The following SPATA7 variants were observed in gnomAD, a reference collection of about 807,000 sequenced individuals.
SPATA7 encodes the protein spermatogenesis associated 7.
Under a neutral mutation model 51.8 loss-of-function variants are expected in SPATA7, and 43 were observed. That is an observed-to-expected ratio of 0.83 (90% CI 0.65 to 1.07). SPATA7 has a LOEUF of 1.07. Ranked by LOEUF, SPATA7 falls within the 50% of genes least tolerant of loss-of-function variation. The probability of loss-of-function intolerance (pLI) is 0.00; values close to 1 mark genes in which losing one functional copy is unlikely to be tolerated. For missense variants in SPATA7, 683 were observed against 701.3 expected, an observed-to-expected ratio of 0.97 and a Z score of 0.30; for synonymous variants, 230 against 252.8, an observed-to-expected ratio of 0.91 and a Z score of 0.86.
Position 88,393,409 on chromosome 14 carries a change from C to G in SPATA7, c.111C>G (p.Ser37=). The G allele has an allele frequency of 6.3e-7, 1 of 1,599,026 alleles. No individual in the cohort carries two copies. The highest frequency in any genetic ancestry group is 8.5e-7 in the Non-Finnish European group (1 of 1,171,242). Residue 37 remains serine (S), a synonymous_variant, in exon 3 of 12, where the codon TCC becomes TCG. Coordinates refer to ENST00000393545, the MANE Select transcript of SPATA7 (RefSeq NM_018418.5). ...AATTTTTAGCTTTTTGCACTGACTC[C>G]TCTTCTCTCAGACTAAGCACTCTCC... is the stretch of plus-strand genomic sequence containing the variant. ...STKSNAFCTD[S]SSLRLSTLQL...
chr14:88,386,949 G>C (rs1238642527), intron 1 of SPATA7, among the ~76,000 whole-genome samples: 2 of 152,112 alleles, frequency 1.3e-5, no homozygotes, highest in Non-Finnish European at 1.5e-5. Context: ...AAATCAAAAC[G>C]CTTTATGATC....
chr14:88,393,044 A>C lies in SPATA7; in HGVS notation c.95-349A>C, dbSNP rs150176539. On this transcript the variant is annotated intron_variant, in intron 2 of 11. Coordinates refer to ENST00000393545, the MANE Select transcript of SPATA7 (RefSeq NM_018418.5). ...CTGAAATTCCGTTGATTAAGTATTA[A>C]CAATGGTAACTAATTAAGCAAGCAG... Among the ~76,000 whole-genome samples the C allele has an allele frequency of 1.1e-3, 165 of 152,244 alleles. 2 individuals carry two copies. In the East Asian group the frequency reaches 0.023, roughly 22 times the overall value.
At chr14:88,391,106 C>T (rs1005979343) in intron 1 of SPATA7, among the ~76,000 whole-genome samples, 6 of 152,162 alleles carry the variant, frequency 3.9e-5, no homozygotes, top group African/African-American at 1.2e-4. Flanking sequence ...CTTGTTATAG[C>T]TTTTAACAGC....
At position 88,393,375 on chromosome 14, in the gene SPATA7, T is replaced by C; in HGVS notation, c.95-18T>C. ...TATATTAGTTTTAAATATATAATGA[T>C]TATGTTTTAATTTTTAGCTTTTTGC... On this transcript the variant is annotated intron_variant, in intron 2 of 11. Coordinates refer to ENST00000393545, the MANE Select transcript of SPATA7 (RefSeq NM_018418.5). The C allele has an allele frequency of 6.7e-7, 1 of 1,491,328 alleles. No homozygotes were observed. The allele number at this position is 1,491,328 out of a possible 1,614,324, so 92.4% of individuals were successfully genotyped here. A position where few individuals can be genotyped will look rare whatever the true frequency, so the allele number is the denominator to read the frequency against.
chr14:88,442,980 C>A (rs181904944), downstream of SPATA7, among the ~76,000 whole-genome samples: 1,052 of 142,518 alleles, frequency 7.4e-3, 32 homozygotes, highest in Admixed American at 0.066. Flanking sequence ...CTCGCTCTGT[C>A]ACCTAGGCTG....
chr14:88,409,162 A>G (rs1047365497), intron 4 of SPATA7, among the ~76,000 whole-genome samples: 5 of 152,094 alleles, frequency 3.3e-5, no homozygotes, highest in African/African-American at 1.2e-4. Flanking sequence ...AATAGCTTCA[A>G]AAGGAATGGT....
chr14:88,469,623 G>A lies in SPATA7; in HGVS notation c.255-224G>A. ...TCTTCAGGCCTGTGGTGGCATAGCAGCCAGAGTCTGTGCGGAACCGGGTCG... is the reference window on the plus strand; with the variant it reads ...TCTTCAGGCCTGTGGTGGCATAGCAACCAGAGTCTGTGCGGAACCGGGTCG... On this transcript the variant is annotated intron_variant, in intron 4 of 4. Coordinates refer to the SPATA7 transcript ENST00000556406. This position sits in a 1 kb window ranked among gnomAD's most constrained non-coding sequence, Gnocchi z 4.3. The A allele has an allele frequency of 1.9e-6, 3 of 1,614,174 alleles. No individual in the cohort carries two copies. The highest frequency in any genetic ancestry group is 2.5e-6 in the Non-Finnish European group (3 of 1,180,030).
At chr14:88,396,700 C>T (rs139106082) in intron 4 of SPATA7, among the ~76,000 whole-genome samples, 5 of 152,196 alleles carry the variant, frequency 3.3e-5, no homozygotes, top group African/African-American at 9.6e-5. Context: ...TTACAGTCAC[C>T]TTTTGGCTGT....
rs759599766 is a variant in SPATA7, at chr14:88,416,697, G to T, written c.239-14G>T. The T allele has an allele frequency of 1.2e-6, 2 of 1,612,220 alleles. No homozygotes were observed. The highest frequency in any genetic ancestry group is 2.7e-5 in the African/African-American group (2 of 74,802). ...TTTTGTTCCATATTTTGAAAGATTT[G>T]TTTTCCCTTTTAGATGCAGACCAAC... On this transcript the variant is annotated splice_polypyrimidine_tract_variant and intron_variant, in intron 4 of 11. Transcript: ENST00000393545.
chr14:88,396,875 C>CTTT (rs59603961), intron 4 of SPATA7, among the ~76,000 whole-genome samples: 74,570 of 138,252 alleles, frequency 0.54, 22,000 homozygotes, highest in Admixed American at 0.68. Flanking sequence ...TTTCTTTTTT[C>CTTT]TTTTTTTTTT....
At chr14:88,466,505 TA>T (rs1200063982) in intron 4 of SPATA7, 1 of 152,148 alleles carries the variant, frequency 6.6e-6, no homozygotes, top group African/African-American at 2.4e-5. Context: ...ATGCCTAGAA[TA>T]GTGTAATTTG....
chr14:88,389,210 G>GT (rs1049960284), intron 1 of SPATA7, among the ~76,000 whole-genome samples: 2,457 of 146,984 alleles, frequency 0.017, 71 homozygotes, highest in African/African-American at 0.057. Context: ...ATTCTGTTAG[G>GT]TTTTTTTTTT....
chr14:88,419,444 CTT>C (rs1010507480), intron 5 of SPATA7, among the ~76,000 whole-genome samples: 8 of 95,846 alleles, frequency 8.3e-5, no homozygotes, highest in African/African-American at 1.2e-4. Context: ...ATGTTTTCTT[CTT>C]TTTTTTTTTT....
chr14:88,457,315 C>T (rs573357620), downstream of SPATA7, among the ~76,000 whole-genome samples: 112 of 152,258 alleles, frequency 7.4e-4, no homozygotes, highest in Non-Finnish European at 2.2e-4. Flanking sequence ...TTACCTTGGG[C>T]ACTATGGCCA....
intron 10 of SPATA7, among the ~76,000 whole-genome samples, chr14:88,434,413 G>A (rs768502756): frequency 2.0e-5 from 3 of 152,104 alleles, no homozygotes; most frequent in Admixed American, 1.3e-4. Context: ...AGGGCTGGGC[G>A]CAGTGGCTCA....
intron 10 of SPATA7, among the ~76,000 whole-genome samples, chr14:88,433,839 A>G (rs989360540): frequency 6.6e-6 from 1 of 152,214 alleles, no homozygotes; most frequent in Admixed American, 6.5e-5. Flanking sequence ...AGACATTTTT[A>G]ATAAATTATT....
Position 88,438,351 on chromosome 14 carries a change from A to C in SPATA7, c.1729A>C (p.Asn577His), listed in dbSNP as rs767523888. 5 of 1,614,096 alleles carry C rather than the reference A, an allele frequency of 3.1e-6. No homozygotes were observed. Among genetic ancestry groups the C allele is most frequent in the Non-Finnish European group, 4.2e-6 (5 of 1,179,982 alleles). Residue 577 changes from asparagine to histidine, a missense_variant, in exon 12 of 12, where the codon AAT (asparagine) becomes CAT (histidine). Coordinates refer to ENST00000393545, the MANE Select transcript of SPATA7 (RefSeq NM_018418.5). Reference protein sequence around the residue: ...VQFSSVKGDNNHDMELSTLKI... With the variant: ...VQFSSVKGDNHHDMELSTLKI... ...GTTCTCCAGTGTCAAAGGCGACAAT[A>C]ATCATGACATGGAGTTATCAACTCT...
At chr14:88,448,939 T>G (rs562512347) in intron 3 of SPATA7, among the ~76,000 whole-genome samples, 9 of 152,350 alleles carry the variant, frequency 5.9e-5, no homozygotes, top group Non-Finnish European at 1.3e-4. Flanking sequence ...ATTGAGTTTC[T>G]TTGGATCTTC....
chr14:88,467,572 G>C (rs1224885011), intron 4 of SPATA7: 1 of 152,232 alleles, frequency 6.6e-6, no homozygotes, highest in African/African-American at 2.4e-5. Flanking sequence ...TCTCAGTATA[G>C]TTTTCAGTTT....
Sources: allele counts gnomAD v4.1 joint callset (sites outside exome capture counted in the v4.1 genomes callset), GRCh38; gene constraint gnomAD v4.1.1; non-coding constraint Gnocchi (gnomAD v3.1); transcripts MANE v1.5; gene names NCBI Gene and HGNC (gene_info 2026-07-23, HGNC 2026-07-21).